UNC80: variants seen among roughly 807,000 people sequenced by gnomAD.
The protein encoded by UNC80 is protein unc-80 homolog.
UNC80 carries 164 observed loss-of-function variants against 384.6 expected under a neutral mutation model. The observed-to-expected ratio is 0.43, with a 90% confidence interval of 0.38 to 0.49. The LOEUF (loss-of-function observed/expected upper bound fraction) is 0.49, where lower values mean the gene tolerates loss of function less well. UNC80 is among the 20% of genes least tolerant of loss of function. UNC80 has a pLI of 0.00. For synonymous variants in UNC80, 1,486 were observed against 1,527.8 expected (o/e 0.97, Z 0.64); for missense variants, 3,330 against 4,143.0 (o/e 0.80, Z 5.39).
At chr2:209,785,825 GT>G (rs1189420118) in intron 4 of UNC80, among the ~76,000 whole-genome samples, 1 of 152,262 alleles carries the variant, frequency 6.6e-6, no homozygotes, top group Non-Finnish European at 1.5e-5. Flanking sequence ...CCAAAGCTAT[GT>G]TTTGATTGGT....
At chr2:209,989,898 C>T (rs1259993375) in intron 61 of UNC80, among the ~76,000 whole-genome samples, 2 of 152,052 alleles carry the variant, frequency 1.3e-5, no homozygotes, top group Admixed American at 6.6e-5. Flanking sequence ...AGCCAGCCTT[C>T]GATATTCCAA....
At chr2:209,965,730 T>C (rs1237124065) in intron 51 of UNC80, among the ~76,000 whole-genome samples, 2 of 152,068 alleles carry the variant, frequency 1.3e-5, no homozygotes, top group African/African-American at 2.4e-5. Context: ...CAGAAGGTCT[T>C]ATTTATGAGA....
intron 51 of UNC80, among the ~76,000 whole-genome samples, chr2:209,962,173 T>G (rs2092609986): frequency 6.6e-6 from 1 of 152,150 alleles, no homozygotes; most frequent in Non-Finnish European, 1.5e-5. Context: ...TATGGCTAGT[T>G]TTTACACAGA....
intron 5 of UNC80, among the ~76,000 whole-genome samples, chr2:209,788,725 A>G (rs1051847166): frequency 1.3e-5 from 2 of 151,126 alleles, no homozygotes; most frequent in Admixed American, 1.3e-4. Context: ...TAAGCCTATT[A>G]CAAAAGAGTC....
chr2:209,825,109 TAGA>T (rs1396827758), intron 13 of UNC80, among the ~76,000 whole-genome samples: 1 of 152,198 alleles, frequency 6.6e-6, no homozygotes, highest in Non-Finnish European at 1.5e-5. Context: ...TGGAATGTGG[TAGA>T]AGGACTGAGA....
chr2:209,858,567 G>C (rs1207376256), intron 22 of UNC80, among the ~76,000 whole-genome samples: 1 of 151,918 alleles, frequency 6.6e-6, no homozygotes, highest in Non-Finnish European at 1.5e-5. Flanking sequence ...AATTAGCCAT[G>C]CCTGTAATCC....
rs189762882 is a variant in UNC80, at chr2:209,828,139, G to A, written c.2479-1093G>A. Reference sequence around the variant, plus strand: ...TTTTATAGAAAACACAGAATAATTTGTACTTCAGGACCTGCCAACTCAGGG... The same window carrying A: ...TTTTATAGAAAACACAGAATAATTTATACTTCAGGACCTGCCAACTCAGGG... On this transcript the variant is annotated intron_variant, in intron 14 of 64. Coordinates refer to ENST00000673920, the MANE Select transcript of UNC80 (RefSeq NM_001371986.1). Among the ~76,000 whole-genome samples the A allele has an allele frequency of 2.6e-5, 4 of 152,204 alleles. No individual in the cohort carries two copies. The East Asian group carries it at 7.7e-4, about 29-fold the overall frequency.
intron 49 of UNC80, 90 bp from the exon 50 acceptor site, chr2:209,959,029 G>A (rs2125000570): frequency 1.9e-6 from 2 of 1,052,592 alleles, no homozygotes; most frequent in Non-Finnish European, 2.9e-6. Flanking sequence ...TAGCTTCAAG[G>A]GCTTTTCATA....
chr2:209,956,961 A>C (rs1259033570), intron 48 of UNC80, among the ~76,000 whole-genome samples: 2 of 152,192 alleles, frequency 1.3e-5, no homozygotes, highest in Non-Finnish European at 2.9e-5. Context: ...GCAAACCTTG[A>C]TGATTTCATA....
intron 7 of UNC80, chr2:209,808,664 G>C (rs1012063924): frequency 1.2e-5 from 2 of 162,634 alleles, no homozygotes; most frequent in Non-Finnish European, 2.6e-5. Flanking sequence ...AGGCGTGGCC[G>C]GAAAGGTCCC....
Position 209,838,212 on chromosome 2 carries a change from C to T in UNC80, c.3042-1010C>T, listed in dbSNP as rs563788846. On this transcript the variant is annotated intron_variant, in intron 18 of 64. Coordinates refer to ENST00000673920, the MANE Select transcript of UNC80 (RefSeq NM_001371986.1). ...TTAAAGAGAGGTTGGATCATTTTACCTCCCCACTGGGAGTATAATAGTAAC... is the reference window on the plus strand; with the variant it reads ...TTAAAGAGAGGTTGGATCATTTTACTTCCCCACTGGGAGTATAATAGTAAC... Among the ~76,000 whole-genome samples, 260 of 152,140 alleles carry T rather than the reference C, an allele frequency of 1.7e-3. 2 individuals are homozygous for T. The highest frequency in any genetic ancestry group is 5.9e-3 in the African/African-American group (243 of 41,514).
At chr2:209,909,544 G>T (rs751413273) in intron 29 of UNC80, among the ~76,000 whole-genome samples, 37 of 152,090 alleles carry the variant, frequency 2.4e-4, no homozygotes, top group Non-Finnish European at 4.9e-4. Context: ...TTTCAAGATG[G>T]CATCATTATT....
intron 46 of UNC80, among the ~76,000 whole-genome samples, chr2:209,945,462 A>G (rs1439848586): frequency 6.6e-6 from 1 of 152,168 alleles, no homozygotes; most frequent in Admixed American, 6.5e-5. Flanking sequence ...CAGTTTTCAG[A>G]AAGTTGGGTT....
intron 59 of UNC80, 51 bp downstream of exon 59, chr2:209,978,759 C>A: frequency 7.0e-7 from 1 of 1,430,148 alleles, no homozygotes. Context: ...GCCATACGAG[C>A]AGGGGCTTGG....
At chr2:209,961,696 G>A (rs904988047) in intron 51 of UNC80, among the ~76,000 whole-genome samples, 1 of 152,074 alleles carries the variant, frequency 6.6e-6, no homozygotes, top group African/African-American at 2.4e-5. Flanking sequence ...ATATAAATAA[G>A]TTAAAAACAA....
chr2:209,851,654 AT>A (rs1259333287), intron 22 of UNC80, among the ~76,000 whole-genome samples: 1 of 151,822 alleles, frequency 6.6e-6, no homozygotes, highest in African/African-American at 2.4e-5. Context: ...TTGTATAGTG[AT>A]TTTTTTTCCG....
At position 209,978,110 on chromosome 2, in the gene UNC80, C is replaced by T. The variant is rs372007796; in HGVS notation, c.8939-419C>T. ...TAAGAACAGTTTTGATTATGCATCG[C>T]GGGGTTCACATCAGACAACTTATTT... On this transcript the variant is annotated intron_variant, in intron 58 of 64. Transcript: ENST00000673920. Among the ~76,000 whole-genome samples, 23 of 152,208 alleles carry T rather than the reference C, an allele frequency of 1.5e-4. No homozygotes were observed. The East Asian group carries it at 1.5e-3, about 10-fold the overall frequency.
In UNC80 at chr2:209,929,933, C is replaced by T. The variant is rs1262654975; in HGVS notation, c.5869C>T (p.Arg1957Ter). The change falls in exon 37 of 65, where the codon CGA becomes TGA. Residue 1957 changes from arginine (R) to a stop codon, truncating the protein, a stop_gained. Coordinates refer to ENST00000673920, the MANE Select transcript of UNC80 (RefSeq NM_001371986.1). LOFTEE classifies it high-confidence loss of function. ...AATTGAAGATCCATCAACGGTTCTT[C>T]GACATTTTCTGGAAAAACTGACCAT... ...CLIEDPSTVL[R>*]HFLEKLTISN... is the part of the protein sequence containing the mutation. The T allele has an allele frequency of 4.5e-6, 7 of 1,540,036 alleles. No homozygotes were observed. Among genetic ancestry groups the T allele is most frequent in the South Asian group, 1.2e-5 (1 of 82,038 alleles).
In UNC80 at chr2:209,878,029, G is replaced by A. The variant is rs899960452; in HGVS notation, c.3916G>A (p.Asp1306Asn). 40 of 1,545,972 alleles carry A rather than the reference G, an allele frequency of 2.6e-5. No individual in the cohort carries two copies. In the Middle Eastern group the frequency reaches 1.5e-3, roughly 58 times the overall value. ...AGCCAACCTGCTGGGTCTCATTTAC[G>A]ATGAAGAGACCAAGAGGAGACTTAG... ...SPANLLGLIY[D>N]EETKRRLRKE... The change falls in exon 24 of 65, where the codon GAT becomes AAT. Residue 1306 changes from aspartate to asparagine, a missense_variant. By Grantham distance (23) the Asp-to-Asn change is conservative. Transcript: ENST00000673920.
Sources: gnomAD v4.1 joint callset for allele counts (sites outside exome capture counted in the v4.1 genomes callset) on GRCh38, gnomAD v4.1.1 for gene constraint, MANE v1.5 for transcripts, NCBI Gene and HGNC (gene_info 2026-07-23, HGNC 2026-07-21) for gene names.